Variants in CLVS1 observed in about 807,000 individuals in gnomAD.
CLVS1 encodes clavesin-1.
A neutral mutation model predicts 33.1 loss-of-function variants in CLVS1; 10 were observed. The observed-to-expected ratio is 0.30, with a 90% CI of 0.19 to 0.51. The LOEUF (loss-of-function observed/expected upper bound fraction) is 0.51, where lower values mean the gene tolerates loss of function less well. CLVS1 is among the 20% of genes least tolerant of loss of function. The pLI, the probability that CLVS1 is intolerant of heterozygous loss-of-function variation, is 0.97. For synonymous variants in CLVS1, 163 were observed against 166.1 expected (o/e 0.98, Z 0.14); for missense variants, 343 against 433.4 (o/e 0.79, Z 1.85).
chr8:61,379,997 G>A (rs1332361296), intron 3 of CLVS1, among the ~76,000 whole-genome samples: 2 of 152,168 alleles, frequency 1.3e-5, no homozygotes, highest in Non-Finnish European at 2.9e-5. Flanking sequence ...CTCAGTGGCT[G>A]GGCAGCATAT....
chr8:61,373,388 G>A (rs1048102976), intron 2 of CLVS1, among the ~76,000 whole-genome samples: 1 of 152,100 alleles, frequency 6.6e-6, no homozygotes, highest in African/African-American at 2.4e-5. Context: ...TTTTCTCCTG[G>A]GATCATCCCA....
At chr8:61,139,944 C>T (rs1806275947) in intron 2 of CLVS1, among the ~76,000 whole-genome samples, 1 of 152,166 alleles carries the variant, frequency 6.6e-6, no homozygotes, top group African/African-American at 2.4e-5. Flanking sequence ...CATTTCCTGC[C>T]TCCACACTGT....
At chr8:61,377,287 T>C (rs1813686531) in intron 3 of CLVS1, 1 of 152,326 alleles carries the variant, frequency 6.6e-6, no homozygotes, top group South Asian at 2.1e-4. Flanking sequence ...TATGAGGATT[T>C]TGGAGAAGAG....
chr8:61,189,504 A>G (rs1052837312), intron 2 of CLVS1, among the ~76,000 whole-genome samples: 2 of 152,236 alleles, frequency 1.3e-5, no homozygotes, highest in African/African-American at 2.4e-5. Flanking sequence ...TAATGACAGG[A>G]TCAAATTCAC....
intron 5 of CLVS1, among the ~76,000 whole-genome samples, chr8:61,472,687 T>C (rs1817773713): frequency 6.6e-6 from 1 of 152,192 alleles, no homozygotes; most frequent in African/African-American, 2.4e-5. Flanking sequence ...CATTCAATAA[T>C]CATTGAGTAT....
chr8:61,181,831 C>T (rs1807241420), intron 2 of CLVS1, among the ~76,000 whole-genome samples: 2 of 151,488 alleles, frequency 1.3e-5, no homozygotes, highest in Non-Finnish European at 2.9e-5. Flanking sequence ...TCCCGAGTAG[C>T]TGGGACTACA....
Position 61,499,533 on chromosome 8 carries a change from T to A in CLVS1, c.1056T>A (p.Ala352=), listed in dbSNP as rs956733820. ...GENENTQPLL[A]LD ...ATGAGAACACCCAGCCACTCCTGGC[T>A]CTGGACTGAACCCTGAGTCACCCCA... is the stretch of plus-strand genomic sequence containing the variant. The change falls in exon 6 of 6, where the codon GCT becomes GCA. Residue 352 remains alanine, a synonymous_variant. Transcript: ENST00000325897. 1.9e-6 allele frequency: 3 copies of A among 1,613,378 alleles called. No homozygotes were observed. The highest frequency in any genetic ancestry group is 1.7e-4 in the Middle Eastern group (1 of 6,056).
At chr8:61,420,365 T>C (rs995380362) in intron 3 of CLVS1, among the ~76,000 whole-genome samples, 19 of 152,126 alleles carry the variant, frequency 1.2e-4, no homozygotes, top group African/African-American at 4.6e-4. Context: ...TTTGGGAGGC[T>C]GAGGCAGGCA....
chr8:60,996,113 GTAAC>G, the CLVS1 span, among the ~76,000 whole-genome samples: 1 of 152,150 alleles, frequency 6.6e-6, no homozygotes, highest in Non-Finnish European at 1.5e-5. Context: ...GTATACATAT[GTAAC>G]TAACCTGCAC....
chr8:61,038,678 A>C, the CLVS1 span, among the ~76,000 whole-genome samples: 2 of 152,262 alleles, frequency 1.3e-5, no homozygotes, highest in African/African-American at 2.4e-5. Flanking sequence ...GGAAACTTCT[A>C]TCTCAAGCCC....
chr8:61,245,945 AT>A, intron 2 of CLVS1, among the ~76,000 whole-genome samples: 1 of 150,334 alleles, frequency 6.7e-6, no homozygotes, highest in Non-Finnish European at 1.5e-5. Flanking sequence ...TTAAAAAAAA[AT>A]TTTTTTGGAG....
the CLVS1 span, among the ~76,000 whole-genome samples, chr8:61,008,018 G>C: frequency 6.6e-6 from 1 of 152,180 alleles, no homozygotes; most frequent in Non-Finnish European, 1.5e-5. Flanking sequence ...TCCTGCCCAG[G>C]AACGAAGGAA....
At chr8:61,010,674 A>T in the CLVS1 span, among the ~76,000 whole-genome samples, 1 of 152,204 alleles carries the variant, frequency 6.6e-6, no homozygotes, top group Non-Finnish European at 1.5e-5. Context: ...TAAACAGGCA[A>T]TTCTATGAGT....
At chr8:61,169,900 A>G (rs990475026) in intron 2 of CLVS1, among the ~76,000 whole-genome samples, 1 of 152,196 alleles carries the variant, frequency 6.6e-6, no homozygotes, top group Non-Finnish European at 1.5e-5. Context: ...AGGAAAAATT[A>G]TCTTCACTTT....
At chr8:61,099,992 A>T (rs1434669067) in intron 1 of CLVS1, among the ~76,000 whole-genome samples, 1 of 152,200 alleles carries the variant, frequency 6.6e-6, no homozygotes, top group African/African-American at 2.4e-5. Flanking sequence ...AGAATGCTAG[A>T]ATTAGGGACA....
chr8:61,375,386 G>T (rs1364971274), intron 2 of CLVS1, among the ~76,000 whole-genome samples: 1 of 151,928 alleles, frequency 6.6e-6, no homozygotes, highest in African/African-American at 2.4e-5. Flanking sequence ...AAGTAGCTGG[G>T]ATTACAGGTG....
chr8:61,328,099 C>T (rs531234980), intron 2 of CLVS1, among the ~76,000 whole-genome samples: 2 of 152,102 alleles, frequency 1.3e-5, no homozygotes, highest in Admixed American at 6.6e-5. Context: ...AATTGTTATG[C>T]CCAATTCTTG....
chr8:61,455,257 A>G (rs1354506745), intron 4 of CLVS1, among the ~76,000 whole-genome samples: 1 of 151,898 alleles, frequency 6.6e-6, no homozygotes, highest in Admixed American at 6.6e-5. Context: ...TAAACAATAC[A>G]ATATTATTAC....
At chr8:61,469,209 A>G (rs997446134) in intron 5 of CLVS1, among the ~76,000 whole-genome samples, 1 of 152,212 alleles carries the variant, frequency 6.6e-6, no homozygotes, top group Admixed American at 6.5e-5. Flanking sequence ...TCCATGCAAA[A>G]AGTGACAATA....
Sources: gnomAD v4.1 joint callset for allele counts (sites outside exome capture counted in the v4.1 genomes callset) on GRCh38, gnomAD v4.1.1 for gene constraint, MANE v1.5 for transcripts, NCBI Gene and HGNC (gene_info 2026-07-23, HGNC 2026-07-21) for gene names.